Variants in TENT2 observed in about 807,000 individuals in gnomAD.
TENT2 encodes the protein terminal nucleotidyltransferase 2.
Under a neutral mutation model 72.2 loss-of-function variants are expected in TENT2, and 44 were observed. That is an observed-to-expected ratio of 0.61 (90% CI 0.48 to 0.78). TENT2 has a LOEUF of 0.78. Ranked by LOEUF, TENT2 falls within the 30% of genes least tolerant of loss-of-function variation. The probability of loss-of-function intolerance (pLI) is 0.00; values close to 1 mark genes in which losing one functional copy is unlikely to be tolerated. For synonymous variants in TENT2, 212 were observed against 192.5 expected, an observed-to-expected ratio of 1.10 and a Z score of -0.84; for missense variants, 541 against 569.6, an observed-to-expected ratio of 0.95 and a Z score of 0.51.
In TENT2 at chr5:79,629,452, G is replaced by A. The variant is rs1293428931; in HGVS notation, c.465+5963G>A. Reference sequence around the variant, plus strand: ...ATTCAAATATTTGTGAGCTCTAGGCGTGGGAGATACACTGTTTTGCTAAAC... The same window carrying A: ...ATTCAAATATTTGTGAGCTCTAGGCATGGGAGATACACTGTTTTGCTAAAC... On this transcript the variant is annotated intron_variant, in intron 4 of 14. Coordinates refer to ENST00000453514, the MANE Select transcript of TENT2 (RefSeq NM_001114394.3). Among the ~76,000 whole-genome samples the A allele has an allele frequency of 5.9e-5, 9 of 152,284 alleles. 1 individual carries two copies. The South Asian group carries it at 6.2e-4, about 11-fold the overall frequency.
chr5:79,665,316 A>C (rs1197370466), intron 11 of TENT2, among the ~76,000 whole-genome samples: 1 of 152,210 alleles, frequency 6.6e-6, no homozygotes, highest in Non-Finnish European at 1.5e-5. Flanking sequence ...TCTTTGACTT[A>C]AGCCTTTCAT....
intron 10 of TENT2, among the ~76,000 whole-genome samples, chr5:79,650,766 C>T (rs1032571369): frequency 2.6e-5 from 4 of 151,910 alleles, no homozygotes; most frequent in African/African-American, 9.7e-5. Context: ...AACCTAATTC[C>T]TGGTAGACTG....
At chr5:79,669,994 C>T (rs1280870919) in intron 12 of TENT2, among the ~76,000 whole-genome samples, 2 of 151,612 alleles carry the variant, frequency 1.3e-5, no homozygotes, top group African/African-American at 4.8e-5. Flanking sequence ...TTTGGGAGGC[C>T]GAGGCAGGTG....
chr5:79,668,751 A>G, intron 11 of TENT2, 141 bp from the exon 12 acceptor site: 4 of 939,350 alleles, frequency 4.3e-6, no homozygotes, highest in Non-Finnish European at 6.3e-6. Context: ...TTAGTGGAAG[A>G]AAAATTTCAG....
intron 4 of TENT2, among the ~76,000 whole-genome samples, chr5:79,635,419 T>G (rs1296825611): frequency 6.8e-6 from 1 of 146,078 alleles, no homozygotes; most frequent in East Asian, 2.0e-4. Flanking sequence ...ATGTAAAAAA[T>G]GGAGAGGAAC....
At chr5:79,644,468 T>A (rs1451737132) in intron 7 of TENT2, among the ~76,000 whole-genome samples, 1 of 152,294 alleles carries the variant, frequency 6.6e-6, no homozygotes, top group Admixed American at 6.5e-5. Context: ...ATATATTACT[T>A]TCAACTCTAA....
intron 12 of TENT2, among the ~76,000 whole-genome samples, chr5:79,677,950 C>T (rs1356904174): frequency 6.6e-6 from 1 of 152,054 alleles, no homozygotes; most frequent in Non-Finnish European, 1.5e-5. Context: ...ATAGGCGCCA[C>T]CACGCCTGCT....
intron 1 of TENT2, chr5:79,613,994 C>T (rs1007512414): frequency 6.7e-6 from 1 of 150,178 alleles, no homozygotes. Flanking sequence ...TGAGTGTTCT[C>T]TAATTTGTTG....
intron 14 of TENT2, among the ~76,000 whole-genome samples, chr5:79,684,979 G>T (rs968465399): frequency 6.6e-6 from 1 of 152,182 alleles, no homozygotes; most frequent in South Asian, 2.1e-4. Flanking sequence ...GATCTCTTGA[G>T]CCTGGAAAGC....
intron 6 of TENT2, 146 bp downstream of exon 6, chr5:79,641,342 A>AT: frequency 5.0e-6 from 3 of 603,258 alleles, no homozygotes; most frequent in East Asian, 3.1e-5. Context: ...AACCTAGGTA[A>AT]TTTTTTATTT....
At chr5:79,614,248 AC>A (rs1757692096) in intron 1 of TENT2, among the ~76,000 whole-genome samples, 1 of 151,836 alleles carries the variant, frequency 6.6e-6, no homozygotes, top group Admixed American at 6.6e-5. Flanking sequence ...GATTACAGGC[AC>A]GTGCCACTAT....
At chr5:79,673,391 T>C (rs56094046) in intron 12 of TENT2, among the ~76,000 whole-genome samples, 30,859 of 152,070 alleles carry the variant, frequency 0.2, 4,620 homozygotes, top group African/African-American at 0.42. Context: ...GGAGAGTTTC[T>C]CCAATGTTTT....
intron 4 of TENT2, among the ~76,000 whole-genome samples, chr5:79,625,836 T>C (rs2150058184): frequency 2.1e-5 from 2 of 97,062 alleles, no homozygotes; most frequent in East Asian, 5.5e-4. Flanking sequence ...AGTTAGCTGT[T>C]TTTTTTTTTT....
chr5:79,674,721 AT>A (rs545407224), intron 12 of TENT2, among the ~76,000 whole-genome samples: 12 of 152,192 alleles, frequency 7.9e-5, no homozygotes, highest in Admixed American at 2.6e-4. Flanking sequence ...TATACTTTTA[AT>A]TTTTTTTGTA....
intron 12 of TENT2, among the ~76,000 whole-genome samples, chr5:79,674,825 T>C (rs1403316256): frequency 1.3e-5 from 2 of 152,176 alleles, no homozygotes; most frequent in Non-Finnish European, 2.9e-5. Context: ...GAAAGAATCA[T>C]TGAGATAGGA....
intron 10 of TENT2, among the ~76,000 whole-genome samples, chr5:79,651,466 A>G (rs1035032315): frequency 4.4e-4 from 44 of 99,504 alleles, no homozygotes; most frequent in Non-Finnish European, 6.1e-4. Flanking sequence ...ACTGCTACCA[A>G]TTACTACCAT....
chr5:79,659,558 ATATATAT>A lies in TENT2; in HGVS notation c.1071+2558_1071+2564del, dbSNP rs1561547342. Among the ~76,000 whole-genome samples, 266 of 52,248 alleles carry A rather than the reference ATATATAT, an allele frequency of 5.1e-3. 13 individuals carry two copies. Among genetic ancestry groups the A allele is most frequent in the African/African-American group, 0.022 (215 of 9,662 alleles). The allele number at this position is 52,248 out of a possible 152,430, so 34.3% of individuals were successfully genotyped here. A position where few individuals can be genotyped will look rare whatever the true frequency, so the allele number is the denominator to read the frequency against. ...AAAAAAAAAAAAAAAAAAAAAATGT[ATATATAT>A]ATATATATATATATATATATATATA... On this transcript the variant is annotated intron_variant, in intron 11 of 14. Coordinates refer to ENST00000453514, the MANE Select transcript of TENT2 (RefSeq NM_001114394.3).
chr5:79,643,284 A>T (rs1785887685), intron 7 of TENT2, among the ~76,000 whole-genome samples: 1 of 152,144 alleles, frequency 6.6e-6, no homozygotes, highest in Admixed American at 6.5e-5. Flanking sequence ...TGTGAGAGAG[A>T]ATTTCATCTG....
intron 2 of TENT2, 86 bp downstream of exon 2, chr5:79,619,871 C>A: frequency 6.6e-7 from 1 of 1,508,388 alleles, no homozygotes; most frequent in Non-Finnish European, 9.0e-7. Context: ...AACTTTTGAA[C>A]ATGGAGAATA....
Sources: gnomAD v4.1 joint callset for allele counts (sites outside exome capture counted in the v4.1 genomes callset) on GRCh38, gnomAD v4.1.1 for gene constraint, MANE v1.5 for transcripts, NCBI Gene and HGNC (gene_info 2026-07-23, HGNC 2026-07-21) for gene names.